ANKRD24: variants seen among roughly 807,000 people sequenced by gnomAD.
The protein encoded by ANKRD24 is ankyrin repeat domain-containing protein 24.
A neutral mutation model predicts 127.8 loss-of-function variants in ANKRD24; 109 were observed. The observed-to-expected ratio is 0.85, with a 90% CI of 0.73 to 1.00. The LOEUF (loss-of-function observed/expected upper bound fraction) is 1.00, where lower values mean the gene tolerates loss of function less well. Among genes scored for constraint, ANKRD24 ranks in the 50% least tolerant of loss-of-function variants. The pLI is 0.00. For synonymous variants in ANKRD24, 743 were observed against 671.1 expected (o/e 1.11, Z -1.66); for missense variants, 1,648 against 1,570.2 (o/e 1.05, Z -0.84).
At chr19:4,188,455 C>T (rs568991869) in intron 2 of ANKRD24, among the ~76,000 whole-genome samples, 3 of 148,730 alleles carry the variant, frequency 2.0e-5, no homozygotes, top group African/African-American at 7.4e-5. Flanking sequence ...GCTATCTCAA[C>T]CGACTACAGC....
rs778252571 is a variant in ANKRD24 at position 4,216,873 on chromosome 19, CATGGAAGCCAGGACT to C, written c.1722_1736del (p.Arg575_Ala579del). On this transcript the variant is annotated inframe_deletion, in exon 18 of 22. Coordinates refer to ENST00000318934, the MANE Select transcript of ANKRD24 (RefSeq NM_001393985.1). The stretch of plus-strand genomic sequence containing the variant: ...ATGAGGAGGCTGCAGGAGATGAAAC[CATGGAAGCCAGGACT>C]ATGGAAGCTGAGGCCACGGGAGCCG... 6.2e-7 allele frequency: 1 copy of C among 1,611,598 alleles called. No homozygotes were observed. The highest frequency in any genetic ancestry group is 8.5e-7 in the Non-Finnish European group (1 of 1,179,014).
In ANKRD24 at chr19:4,216,047, C is replaced by T. The variant is rs754555451; in HGVS notation, c.1267C>T (p.Pro423Ser). ...TGAGGAGGGTGAGCTGCCTGACCTT[C>T]CAGGTGAGCCCCCACCTCCCCACGC... is the stretch of plus-strand genomic sequence containing the variant. The part of the protein sequence containing the change: ...QDEEGELPDL[P>S]GAEVLLSRQL... The change falls in exon 16 of 22, where the codon CCA becomes TCA. Residue 423 changes from proline (P) to serine (S), a missense_variant. By Grantham distance (74) the Pro-to-Ser change is moderately conservative. Coordinates refer to ENST00000318934, the MANE Select transcript of ANKRD24 (RefSeq NM_001393985.1). The T allele has an allele frequency of 1.3e-6, 2 of 1,594,780 alleles. No individual in the cohort carries two copies. The highest frequency in any genetic ancestry group is 1.7e-5 in the Admixed American group (1 of 57,362).
At position 4,198,462 on chromosome 19, in the gene ANKRD24, G is replaced by C. The variant is rs889576587; in HGVS notation, c.37-1221G>C. 3.3e-6 allele frequency: 2 copies of C among 614,588 alleles called. No individual in the cohort carries two copies. Among genetic ancestry groups the C allele is most frequent in the African/African-American group, 1.9e-5 (1 of 52,184 alleles). The allele number at this position is 614,588 out of a possible 1,614,324, so 38.1% of individuals were successfully genotyped here. On this transcript the variant is annotated intron_variant, in intron 2 of 21. Transcript: ENST00000318934. The surrounding 1 kb of genome is among the most constrained non-coding windows in gnomAD (Gnocchi z 6.1). ...GGCCGCCGCCTCCTCTTGGAACCCCGTGCGCCCCCCGCGCCCCGCGCCCCG... is the reference window on the plus strand; with the variant it reads ...GGCCGCCGCCTCCTCTTGGAACCCCCTGCGCCCCCCGCGCCCCGCGCCCCG...
At chr19:4,216,225 C>T (rs951283530) in intron 16 of ANKRD24, 59 bp from the exon 17 acceptor site, 56 of 1,499,402 alleles carry the variant, frequency 3.7e-5, no homozygotes, top group Non-Finnish European at 4.6e-5. Context: ...CTCCAGCCCC[C>T]CACCTCCTGT....
chr19:4,186,274 G>T (rs1968055933), intron 1 of ANKRD24, 116 bp from the exon 2 acceptor site: 2 of 1,469,168 alleles, frequency 1.4e-6, no homozygotes, highest in South Asian at 2.8e-5. Flanking sequence ...CTTGCTCTAG[G>T]GGCCAGGACT....
rs1190301658 is a variant in ANKRD24 at position 4,195,302 on chromosome 19, C to G, written c.37-4381C>G. On this transcript the variant is annotated intron_variant, in intron 2 of 21. Coordinates refer to ENST00000318934, the MANE Select transcript of ANKRD24 (RefSeq NM_001393985.1). This position sits in a 1 kb window ranked among gnomAD's most constrained non-coding sequence, Gnocchi z 4.2. ...TTGGTCAGGCTGGTCTCGAACTCCCCATCTCAGGTGATCTGCCTGCCTCAG... is the reference window on the plus strand; with the variant it reads ...TTGGTCAGGCTGGTCTCGAACTCCCGATCTCAGGTGATCTGCCTGCCTCAG... 6.6e-6 allele frequency among the ~76,000 whole-genome samples: 1 copy of G among 151,394 alleles called. No homozygotes were observed. Among genetic ancestry groups the G allele is most frequent in the Non-Finnish European group, 1.5e-5 (1 of 67,856 alleles).
chr19:4,199,611 A>T lies in ANKRD24; in HGVS notation c.37-72A>T. 1.4e-6 allele frequency: 2 copies of T among 1,466,684 alleles called. No homozygotes were observed. Among genetic ancestry groups the T allele is most frequent in the Non-Finnish European group, 1.8e-6 (2 of 1,114,778 alleles). 90.9% of individuals were successfully genotyped at this position (1,466,684 alleles called of 1,614,324 possible). On this transcript the variant is annotated intron_variant, in intron 2 of 21. Transcript: ENST00000318934. The surrounding 1 kb of genome is among the most constrained non-coding windows in gnomAD (Gnocchi z 5.2). ...CAACTGGGGTGATGGGCCTGGGGGCAGATGCTGGGGGTCGCAGGCTTGGGG... is the reference window on the plus strand; with the variant it reads ...CAACTGGGGTGATGGGCCTGGGGGCTGATGCTGGGGGTCGCAGGCTTGGGG...
At chr19:4,194,132 C>A (rs942859580) in intron 2 of ANKRD24, among the ~76,000 whole-genome samples, 21 of 152,046 alleles carry the variant, frequency 1.4e-4, no homozygotes, top group Non-Finnish European at 2.6e-4. Flanking sequence ...CCCGAAAAAA[C>A]TTTATTTATG....
chr19:4,213,139 A>G (rs1394666549), intron 15 of ANKRD24, among the ~76,000 whole-genome samples: 1 of 152,040 alleles, frequency 6.6e-6, no homozygotes, highest in East Asian at 1.9e-4. Flanking sequence ...TCAAACAAAC[A>G]AACAGTCCCA....
chr19:4,207,771 C>T lies in ANKRD24; in HGVS notation c.645-10C>T, dbSNP rs1371155830. On this transcript the variant is annotated splice_polypyrimidine_tract_variant and intron_variant, in intron 9 of 21. Transcript: ENST00000318934. ...GTTCTCATCTCCTCAGTAGCCCCCT[C>T]CCCTGGTAGGACGGCCCTGATGCTG... 7.0e-6 allele frequency: 11 copies of T among 1,568,056 alleles called. No individual in the cohort carries two copies. The South Asian group carries it at 1.3e-4, about 18-fold the overall frequency.
Position 4,199,780 on chromosome 19 carries a change from A to C in ANKRD24, c.123+11A>C, listed in dbSNP as rs1329992023. The C allele has an allele frequency of 6.5e-7, 1 of 1,534,978 alleles. No homozygotes were observed. Among genetic ancestry groups the C allele is most frequent in the East Asian group, 2.5e-5 (1 of 40,740 alleles). The stretch of plus-strand genomic sequence containing the variant: ...AGAGGCAGGCGCCAGGCAAGTGCCC[A>C]GGGGCAGGTGGTGAGAGCCCGGAGC... On this transcript the variant is annotated intron_variant, in intron 3 of 21. Transcript: ENST00000318934. The surrounding 1 kb of genome is among the most constrained non-coding windows in gnomAD (Gnocchi z 5.2).
rs781160387 is a variant in ANKRD24, at chr19:4,216,765, G to C, written c.1605G>C (p.Thr535=). The change falls in exon 18 of 22, where the codon ACG becomes ACC. Residue 535 remains threonine (T), a synonymous_variant. Coordinates refer to ENST00000318934, the MANE Select transcript of ANKRD24 (RefSeq NM_001393985.1). The part of the protein sequence containing the change: ...ACGESEVAGA[T]ATKNGPTHME... ...GGGAGAGTGAGGTTGCTGGAGCCACGGCCACCAAAAACGGGCCAACCCACA... is the reference window on the plus strand; with the variant it reads ...GGGAGAGTGAGGTTGCTGGAGCCACCGCCACCAAAAACGGGCCAACCCACA... 1.3e-6 allele frequency: 2 copies of C among 1,588,988 alleles called. No homozygotes were observed. The highest frequency in any genetic ancestry group is 1.7e-6 in the Non-Finnish European group (2 of 1,168,458).
chr19:4,207,404 G>C, intron 8 of ANKRD24, 92 bp downstream of exon 8: 1 of 1,581,110 alleles, frequency 6.3e-7, no homozygotes, highest in Non-Finnish European at 8.7e-7. Context: ...GAAAGTCTGA[G>C]AAAGTTTGAG....
At chr19:4,216,156 A>G in intron 16 of ANKRD24, 106 bp downstream of exon 16, 1 of 1,407,522 alleles carries the variant, frequency 7.1e-7, no homozygotes, top group Non-Finnish European at 9.7e-7. Flanking sequence ...GGAGGTTTGT[A>G]CTCATCCGTT....
At chr19:4,196,157 G>T (rs1409607151) in intron 2 of ANKRD24, among the ~76,000 whole-genome samples, 1 of 152,166 alleles carries the variant, frequency 6.6e-6, no homozygotes, top group African/African-American at 2.4e-5. Flanking sequence ...TGCTTCCTTG[G>T]TGCCTGTCCT....
At chr19:4,183,182 G>T (rs768360946) in intron 1 of ANKRD24, among the ~76,000 whole-genome samples, 2 of 152,064 alleles carry the variant, frequency 1.3e-5, no homozygotes, top group Non-Finnish European at 2.9e-5. Flanking sequence ...GTTTCTCCAT[G>T]TTGGTCAGGC....
intron 13 of ANKRD24, among the ~76,000 whole-genome samples, chr19:4,212,056 C>T (rs373637821): frequency 4.6e-5 from 7 of 151,870 alleles, no homozygotes; most frequent in South Asian, 2.1e-4. Context: ...AAAAATTAGC[C>T]GGGCCTGTTG....
In ANKRD24 at chr19:4,210,316, C is replaced by G. The variant is rs371351586; in HGVS notation, c.1003C>G (p.Arg335Gly). 5.7e-6 allele frequency: 9 copies of G among 1,583,450 alleles called. No homozygotes were observed. Among genetic ancestry groups the G allele is most frequent in the African/African-American group, 1.3e-5 (1 of 74,324 alleles). The change falls in exon 13 of 22, where the codon CGC becomes GGC. Residue 335 changes from arginine to glycine, a missense_variant. By Grantham distance (125) the Arg-to-Gly change is moderately radical. Coordinates refer to ENST00000318934, the MANE Select transcript of ANKRD24 (RefSeq NM_001393985.1). ...CGTGAGGCTGCGGCAGGAGAGGGGC[C>G]GCCTCCTGCAGAAGATCCGGGGCCT... The part of the protein sequence containing the change: ...EIVRLRQERG[R>G]LLQKIRGLEQ...
intron 11 of ANKRD24, 26 bp downstream of exon 11, chr19:4,208,827 G>A: frequency 6.2e-7 from 1 of 1,609,662 alleles, no homozygotes; most frequent in Non-Finnish European, 8.5e-7. Flanking sequence ...CAGTGAAGGA[G>A]CCCCTCCTCC....
Sources: gnomAD v4.1 joint callset for allele counts (sites outside exome capture counted in the v4.1 genomes callset) on GRCh38, gnomAD v4.1.1 for gene constraint, Gnocchi (gnomAD v3.1) non-coding constraint, MANE v1.5 for transcripts, NCBI Gene and HGNC (gene_info 2026-07-23, HGNC 2026-07-21) for gene names.